MAT2A: variants seen among roughly 807,000 people sequenced by gnomAD.
MAT2A encodes the protein methionine adenosyltransferase 2A, also known as S-adenosylmethionine synthase isoform type-2.
In MAT2A, 3 loss-of-function variants were observed where a neutral mutation model predicts 43.9. The observed-to-expected ratio is 0.07, with a 90% CI of 0.03 to 0.18. The LOEUF is 0.18. MAT2A is among the 10% of genes least tolerant of loss of function. The probability of loss-of-function intolerance (pLI) is 1.00; values close to 1 mark genes in which losing one functional copy is unlikely to be tolerated. For synonymous variants in MAT2A, 200 were observed against 168.4 expected, an observed-to-expected ratio of 1.19 and a Z score of -1.45; for missense variants, 204 against 489.0, an observed-to-expected ratio of 0.42 and a Z score of 5.50.
chr2:85,543,004 A>AT lies in MAT2A; in HGVS notation c.1058dup (p.Asp354ArgfsTer29). The AT allele has an allele frequency of 6.2e-7, 1 of 1,613,154 alleles. No homozygotes were observed. The highest frequency in any genetic ancestry group is 8.5e-7 in the Non-Finnish European group (1 of 1,180,014). On this transcript the variant is annotated frameshift_variant, in exon 8 of 9. Coordinates refer to ENST00000306434, the MANE Select transcript of MAT2A (RefSeq NM_005911.6). LOFTEE classifies it high-confidence loss of function. ...GAGCTATTAGAGATTGTGAAGAAGA[A>AT]TTTCGATCTCCGCCCTGGGGTCATT...
At position 85,541,693 on chromosome 2, in the gene MAT2A, C is replaced by G; in HGVS notation, c.353C>G (p.Ala118Gly). 6.2e-7 allele frequency: 1 copy of G among 1,614,154 alleles called. No homozygotes were observed. The highest frequency in any genetic ancestry group is 8.5e-7 in the Non-Finnish European group (1 of 1,180,032). Residue 118 changes from alanine (A) to glycine (G), a missense_variant, in exon 4 of 9, where the codon GCT becomes GGT. Ala to Gly is a moderately conservative substitution (Grantham distance 60, BLOSUM62 0). Coordinates refer to ENST00000306434, the MANE Select transcript of MAT2A (RefSeq NM_005911.6). ...VALEQQSPDI[A>G]QGVHLDRNEE... ...TTGGAGCAACAGTCACCAGATATTG[C>G]TCAAGGTGTTCATCTTGACAGAAAT...
chr2:85,544,362 C>CT lies in MAT2A; in HGVS notation c.*590_*591insT, dbSNP rs1337103806. The CT allele has an allele frequency of 6.6e-6, 1 of 152,632 alleles. No individual in the cohort carries two copies. Among genetic ancestry groups the CT allele is most frequent in the Non-Finnish European group, 1.5e-5 (1 of 68,054 alleles). The allele number at this position is 152,632 out of a possible 1,614,324, so 9.5% of individuals were successfully genotyped here. A position where few individuals can be genotyped will look rare whatever the true frequency, so the allele number is the denominator to read the frequency against. ...GTAACGCAAGTTCCCAGTTGGAGCTCCAGCCTGACATCAAAAAAGGCAGTT... is the reference window on the plus strand; with the variant it reads ...GTAACGCAAGTTCCCAGTTGGAGCTCTCAGCCTGACATCAAAAAAGGCAGTT... On this transcript the variant is annotated 3_prime_UTR_variant, in exon 9 of 9. Transcript: ENST00000306434.
Position 85,542,627 on chromosome 2 carries a change from T to C in MAT2A, c.831T>C (p.His277=), listed in dbSNP as rs144914741. ...IVDTYGGWGA[H]GGGAFSGKDY... is the part of the protein sequence containing the mutation. ...ACACTTATGGCGGTTGGGGTGCTCA[T>C]GGAGGAGGTGCCTTTTCAGGAAAGG... Residue 277 remains histidine, a synonymous_variant, in exon 7 of 9, where the codon CAT becomes CAC. Transcript: ENST00000306434. 3.2e-4 allele frequency: 509 copies of C among 1,613,998 alleles called. 2 individuals carry two copies. The highest frequency in any genetic ancestry group is 3.9e-4 in the Non-Finnish European group (458 of 1,180,010).
In MAT2A at chr2:85,539,194, C is replaced by G. The variant is rs979755340; in HGVS notation, c.-94C>G. On this transcript the variant is annotated 5_prime_UTR_variant, in exon 1 of 9. Coordinates refer to ENST00000306434, the MANE Select transcript of MAT2A (RefSeq NM_005911.6). ...TTCGCTCCGCGCCGCCCGCCTGCTA[C>G]GAGTAGAACGCTGTCCGCAGCTTGC... 1.5e-5 allele frequency: 13 copies of G among 891,352 alleles called. No individual in the cohort carries two copies. The highest frequency in any genetic ancestry group is 4.6e-5 in the South Asian group (3 of 65,246). 55.2% of individuals were successfully genotyped at this position (891,352 alleles called of 1,614,324 possible).
intron 1 of MAT2A, among the ~76,000 whole-genome samples, chr2:85,540,448 G>A (rs1691445185): frequency 6.6e-6 from 1 of 152,198 alleles, no homozygotes; most frequent in Non-Finnish European, 1.5e-5. Flanking sequence ...GTAGTAGACC[G>A]AAGTTCAGAG....
chr2:85,542,394 T>G (rs1287527884), intron 6 of MAT2A, 21 bp downstream of exon 6: 1 of 1,606,182 alleles, frequency 6.2e-7, no homozygotes, highest in African/African-American at 1.3e-5. Flanking sequence ...TTTGTTGCAT[T>G]TTTCTGGATT....
rs1233158991 is a variant in MAT2A, at chr2:85,544,657, A to G, written c.*885A>G. On this transcript the variant is annotated 3_prime_UTR_variant, in exon 9 of 9. Coordinates refer to ENST00000306434, the MANE Select transcript of MAT2A (RefSeq NM_005911.6). ...TGTAGGTTGCACACTTTGGTACCAG[A>G]TAACTTTTTTTTTTCTTTATAAGAA... 6.6e-6 allele frequency: 1 copy of G among 152,480 alleles called. No homozygotes were observed. Among genetic ancestry groups the G allele is most frequent in the East Asian group, 1.9e-4 (1 of 5,198 alleles). 9.4% of individuals were successfully genotyped at this position (152,480 alleles called of 1,614,324 possible).
At chr2:85,541,010 A>G in intron 1 of MAT2A, 73 bp from the exon 2 acceptor site, 1 of 904,530 alleles carries the variant, frequency 1.1e-6, no homozygotes, top group Non-Finnish European at 1.8e-6. Context: ...AGTAACAGGG[A>G]GGGAGCTTGC....
chr2:85,544,793 A>G lies in MAT2A; in HGVS notation c.*1021A>G, dbSNP rs1410624452. On this transcript the variant is annotated 3_prime_UTR_variant, in exon 9 of 9. Transcript: ENST00000306434. ...GAACAGCTGGTGTAGCTACAGAGAA[A>G]CCAGCTTCCTTCAGAGAGCAGTGCT... 1.3e-5 allele frequency: 2 copies of G among 152,650 alleles called. No homozygotes were observed. The highest frequency in any genetic ancestry group is 6.5e-5 in the Admixed American group (1 of 15,284). 9.5% of individuals were successfully genotyped at this position (152,650 alleles called of 1,614,324 possible).
Position 85,543,520 on chromosome 2 carries a change from A to G in MAT2A, c.1086-150A>G, listed in dbSNP as rs573042038. On this transcript the variant is annotated intron_variant, in intron 8 of 8. Transcript: ENST00000306434. ...TAAGGACTGTGCAAGGAGTTTGGAC[A>G]CCAGGGAAGTAACACTTTTGCCACA... is the stretch of plus-strand genomic sequence containing the variant. 15 of 605,648 alleles carry G rather than the reference A, an allele frequency of 2.5e-5. No individual in the cohort carries two copies. In the East Asian group the frequency reaches 2.8e-4, roughly 11 times the overall value. 37.5% of individuals were successfully genotyped at this position (605,648 alleles called of 1,614,324 possible).
At chr2:85,542,053 GA>G in intron 5 of MAT2A, 81 bp downstream of exon 5, 2 of 1,586,264 alleles carry the variant, frequency 1.3e-6, no homozygotes, top group Non-Finnish European at 1.7e-6. Flanking sequence ...TAGCTAACTG[GA>G]AAAAATAGCA....
chr2:85,543,801 T>C lies in MAT2A; in HGVS notation c.*29T>C, dbSNP rs769156900. The C allele has an allele frequency of 6.8e-7, 1 of 1,476,836 alleles. No individual in the cohort carries two copies. Among genetic ancestry groups the C allele is most frequent in the Non-Finnish European group, 9.4e-7 (1 of 1,069,270 alleles). 91.5% of individuals were successfully genotyped at this position (1,476,836 alleles called of 1,614,324 possible). A position where few individuals can be genotyped will look rare whatever the true frequency, so the allele number is the denominator to read the frequency against. On this transcript the variant is annotated 3_prime_UTR_variant, in exon 9 of 9. Coordinates refer to ENST00000306434, the MANE Select transcript of MAT2A (RefSeq NM_005911.6). ...TGTTAGCCTTTTTTCCCCAGACTTG[T>C]TGGCGTAGGCTACAGAGAAGCCTTC...
rs540363632 is a variant in MAT2A at position 85,542,545 on chromosome 2, C to T, written c.769-20C>T. 87 of 1,610,708 alleles carry T rather than the reference C, an allele frequency of 5.4e-5. No homozygotes were observed. Among genetic ancestry groups the T allele is most frequent in the Non-Finnish European group, 7.1e-5 (84 of 1,177,592 alleles). The stretch of plus-strand genomic sequence containing the variant: ...TTGGAAAGCACTAGGCGTAAAGTAA[C>T]TTAAATCCTGTAATTTCAGGGTGAT... On this transcript the variant is annotated intron_variant, in intron 6 of 8. Coordinates refer to ENST00000306434, the MANE Select transcript of MAT2A (RefSeq NM_005911.6).
intron 7 of MAT2A, 50 bp downstream of exon 7, chr2:85,542,797 G>A (rs1359762697): frequency 2.6e-6 from 4 of 1,542,446 alleles, no homozygotes; most frequent in African/African-American, 1.4e-5. Context: ...AAGTGGGAGG[G>A]TATTTAGTAG....
At position 85,545,253 on chromosome 2, in the gene MAT2A, C is replaced by T. The variant is rs949866556; in HGVS notation, c.*1481C>T. On this transcript the variant is annotated 3_prime_UTR_variant, in exon 9 of 9. Coordinates refer to ENST00000306434, the MANE Select transcript of MAT2A (RefSeq NM_005911.6). The stretch of plus-strand genomic sequence containing the variant: ...TCAATTCCAACAGTTTAATGAAGAT[C>T]TAAATAAAATGCTAGGTTCTACCTT... 1 of 152,578 alleles carries T rather than the reference C, an allele frequency of 6.6e-6. No homozygotes were observed. The highest frequency in any genetic ancestry group is 1.5e-5 in the Non-Finnish European group (1 of 68,030). 9.5% of individuals were successfully genotyped at this position (152,578 alleles called of 1,614,324 possible).
chr2:85,540,651 A>G (rs1691452980), intron 1 of MAT2A, among the ~76,000 whole-genome samples: 1 of 152,228 alleles, frequency 6.6e-6, no homozygotes, highest in African/African-American at 2.4e-5. Flanking sequence ...CGCAACTCCT[A>G]ACAGCAAAAT....
intron 1 of MAT2A, chr2:85,539,728 G>C (rs1691413932): frequency 5.8e-6 from 1 of 172,480 alleles, no homozygotes; most frequent in East Asian, 1.7e-4. Flanking sequence ...CCTGCCGTCT[G>C]ACAAACCTGG....
Position 85,544,858 on chromosome 2 carries a change from T to C in MAT2A, c.*1086T>C, listed in dbSNP as rs1371743567. On this transcript the variant is annotated 3_prime_UTR_variant, in exon 9 of 9. Coordinates refer to ENST00000306434, the MANE Select transcript of MAT2A (RefSeq NM_005911.6). The stretch of plus-strand genomic sequence containing the variant: ...GGAAATCCCTTCATACTTGAACGTT[T>C]TCTAATTGCTTATTTATTGTATTCT... 1 of 152,656 alleles carries C rather than the reference T, an allele frequency of 6.6e-6. No individual in the cohort carries two copies. Among genetic ancestry groups the C allele is most frequent in the Admixed American group, 6.5e-5 (1 of 15,282 alleles). The allele number at this position is 152,656 out of a possible 1,614,324, so 9.5% of individuals were successfully genotyped here.
chr2:85,540,298 C>T (rs1461717445), intron 1 of MAT2A, among the ~76,000 whole-genome samples: 1 of 152,110 alleles, frequency 6.6e-6, no homozygotes, highest in Admixed American at 6.5e-5. Context: ...TTAGGATGAC[C>T]GCAGTAGTTA....
Sources: gnomAD v4.1 joint callset for allele counts (sites outside exome capture counted in the v4.1 genomes callset) on GRCh38, gnomAD v4.1.1 for gene constraint, MANE v1.5 for transcripts, NCBI Gene and HGNC (gene_info 2026-07-23, HGNC 2026-07-21) for gene names.